The following CCSER1 variants were observed in gnomAD, a reference collection of about 807,000 sequenced individuals.
CCSER1 encodes serine-rich coiled-coil domain-containing protein 1.
A neutral mutation model predicts 82.0 loss-of-function variants in CCSER1; 41 were observed. The observed-to-expected ratio is 0.50, with a 90% CI of 0.39 to 0.65. The LOEUF (loss-of-function observed/expected upper bound fraction) is 0.65, where lower values mean the gene tolerates loss of function less well. Among genes scored for constraint, CCSER1 ranks in the 30% least tolerant of loss-of-function variants. CCSER1 has a pLI of 0.00. For synonymous variants in CCSER1, 414 were observed against 383.9 expected, an observed-to-expected ratio of 1.08 and a Z score of -0.92; for missense variants, 1,119 against 1,064.2, an observed-to-expected ratio of 1.05 and a Z score of -0.72.
At chr4:90,494,354 C>T (rs140017621) in intron 5 of CCSER1, among the ~76,000 whole-genome samples, 2 of 152,058 alleles carry the variant, frequency 1.3e-5, no homozygotes, top group Non-Finnish European at 2.9e-5. Context: ...TAGACAGATC[C>T]ACGAGACAGA....
At chr4:91,036,012 C>CA (rs1741400947) in intron 9 of CCSER1, among the ~76,000 whole-genome samples, 1 of 152,168 alleles carries the variant, frequency 6.6e-6, no homozygotes, top group South Asian at 2.1e-4. Context: ...GAGTTTAACT[C>CA]ACAGGAGTCG....
intron 9 of CCSER1, among the ~76,000 whole-genome samples, chr4:90,959,008 G>C (rs1418726271): frequency 6.6e-6 from 1 of 152,066 alleles, no homozygotes; most frequent in African/African-American, 2.4e-5. Flanking sequence ...AAAGTAATTA[G>C]GTTACCAGTA....
At chr4:91,389,205 T>C (rs185284530) in intron 10 of CCSER1, among the ~76,000 whole-genome samples, 92 of 152,222 alleles carry the variant, frequency 6.0e-4, no homozygotes, top group Non-Finnish European at 9.6e-4. Context: ...AATTTACATT[T>C]GGATCTATGA....
intron 5 of CCSER1, among the ~76,000 whole-genome samples, chr4:90,536,984 T>C (rs1229889052): frequency 6.6e-6 from 1 of 152,250 alleles, no homozygotes; most frequent in Non-Finnish European, 1.5e-5. Flanking sequence ...AAAAGCCTGC[T>C]GCTAATCTGA....
intron 8 of CCSER1, among the ~76,000 whole-genome samples, chr4:90,896,226 A>G (rs1406760115): frequency 2.6e-5 from 4 of 151,982 alleles, no homozygotes; most frequent in African/African-American, 4.8e-5. Context: ...AGAAAAAATT[A>G]GAAGATGACG....
At chr4:90,691,151 C>T (rs1209296397) in intron 6 of CCSER1, among the ~76,000 whole-genome samples, 1 of 151,882 alleles carries the variant, frequency 6.6e-6, no homozygotes, top group Non-Finnish European at 1.5e-5. Flanking sequence ...AATATAGTGG[C>T]CTTACCTCAA....
At chr4:90,553,727 A>G (rs1245102591) in intron 5 of CCSER1, among the ~76,000 whole-genome samples, 1 of 152,210 alleles carries the variant, frequency 6.6e-6, no homozygotes, top group Non-Finnish European at 1.5e-5. Context: ...TACTCTGCAC[A>G]TTTATTAATT....
intron 10 of CCSER1, among the ~76,000 whole-genome samples, chr4:91,370,287 A>G (rs1401298529): frequency 6.6e-6 from 1 of 152,236 alleles, no homozygotes; most frequent in Non-Finnish European, 1.5e-5. Flanking sequence ...AGGAACTATC[A>G]TGAAATAAAA....
chr4:90,834,320 C>G (rs1761514185), intron 8 of CCSER1, among the ~76,000 whole-genome samples: 1 of 152,136 alleles, frequency 6.6e-6, no homozygotes, highest in Non-Finnish European at 1.5e-5. Context: ...TTCCACACAT[C>G]ATTCTCAAAG....
At chr4:90,957,700 G>GTA (rs10553389) in intron 9 of CCSER1, among the ~76,000 whole-genome samples, 6,837 of 133,614 alleles carry the variant, frequency 0.051, 213 homozygotes, top group South Asian at 0.09. Context: ...ATTTCATGGT[G>GTA]TATATATATA....
chr4:91,499,624 C>G (rs929868663), intron 10 of CCSER1, among the ~76,000 whole-genome samples: 2 of 151,886 alleles, frequency 1.3e-5, no homozygotes, highest in Non-Finnish European at 2.9e-5. Context: ...TGTGGTCTGC[C>G]TATTCATCTC....
chr4:90,430,920 A>C (rs968121436), intron 4 of CCSER1, among the ~76,000 whole-genome samples: 1 of 151,944 alleles, frequency 6.6e-6, no homozygotes, highest in African/African-American at 2.4e-5. Context: ...GTGATTGGTG[A>C]TGTTTGGTGT....
intron 5 of CCSER1, among the ~76,000 whole-genome samples, chr4:90,618,895 A>G (rs1325250959): frequency 1.3e-5 from 2 of 151,872 alleles, no homozygotes; most frequent in Non-Finnish European, 3.0e-5. Context: ...ATTATCTTAT[A>G]TATTTCTTCC....
intron 10 of CCSER1, among the ~76,000 whole-genome samples, chr4:91,352,279 C>G (rs984275564): frequency 3.3e-5 from 5 of 152,144 alleles, no homozygotes; most frequent in Non-Finnish European, 5.9e-5. Flanking sequence ...GAAACAGGGT[C>G]TCACTCTGTC....
chr4:90,253,740 T>C (rs1191479741), intron 1 of CCSER1, among the ~76,000 whole-genome samples: 2 of 152,144 alleles, frequency 1.3e-5, no homozygotes, highest in African/African-American at 4.8e-5. Context: ...GGCACAACCG[T>C]GGGCATGCAC....
intron 5 of CCSER1, among the ~76,000 whole-genome samples, chr4:90,573,618 T>A (rs986361214): frequency 2.6e-5 from 4 of 152,234 alleles, no homozygotes; most frequent in Non-Finnish European, 5.9e-5. Context: ...TCTGTTGCTC[T>A]TGTGAATGTA....
intron 10 of CCSER1, among the ~76,000 whole-genome samples, chr4:91,186,365 G>A (rs114685088): frequency 0.013 from 1,906 of 152,126 alleles, 29 homozygotes; most frequent in African/African-American, 0.034. Flanking sequence ...CTTGTCCCAT[G>A]ATTAACCTGA....
At chr4:90,332,930 G>A (rs1019406608) in intron 3 of CCSER1, among the ~76,000 whole-genome samples, 1 of 152,094 alleles carries the variant, frequency 6.6e-6, no homozygotes, top group African/African-American at 2.4e-5. Flanking sequence ...AGAACCACGT[G>A]TTATGTTTAG....
At chr4:90,529,472 T>C (rs7687023) in intron 5 of CCSER1, among the ~76,000 whole-genome samples, 50,417 of 152,040 alleles carry the variant, frequency 0.33, 9,396 homozygotes, top group African/African-American at 0.51. Context: ...TCAAGTGATC[T>C]GCCTGCCTTG....
Sources: gnomAD v4.1 joint callset for allele counts (sites outside exome capture counted in the v4.1 genomes callset) on GRCh38, gnomAD v4.1.1 for gene constraint, MANE v1.5 for transcripts, NCBI Gene and HGNC (gene_info 2026-07-23, HGNC 2026-07-21) for gene names.